ARHGAP35: variants seen among roughly 807,000 people sequenced by gnomAD.
ARHGAP35 encodes the protein Rho GTPase activating protein 35.
In ARHGAP35, 15 loss-of-function variants were observed where a neutral mutation model predicts 111.1. That is an observed-to-expected ratio of 0.13 (90% CI 0.09 to 0.21). The LOEUF (loss-of-function observed/expected upper bound fraction) is 0.21, where lower values mean the gene tolerates loss of function less well. Among genes scored for constraint, ARHGAP35 ranks in the 10% least tolerant of loss-of-function variants. ARHGAP35 has a pLI of 1.00. For synonymous variants in ARHGAP35, 643 were observed against 710.3 expected (o/e 0.91, Z 1.51); for missense variants, 1,262 against 1,873.0 (o/e 0.67, Z 6.02).
chr19:46,904,524 G>C (rs2056096127), intron 1 of ARHGAP35, among the ~76,000 whole-genome samples: 1 of 152,180 alleles, frequency 6.6e-6, no homozygotes, highest in Admixed American at 6.5e-5. Context: ...GCTCCCAGGC[G>C]CTTCCTGTGA....
intron 3 of ARHGAP35, among the ~76,000 whole-genome samples, chr19:46,952,108 G>A (rs1295025807): frequency 6.6e-6 from 1 of 152,172 alleles, no homozygotes; most frequent in Non-Finnish European, 1.5e-5. Flanking sequence ...TATATTTGAG[G>A]TGATGGATAT....
chr19:46,884,232 G>T (rs193252168), intron 1 of ARHGAP35, among the ~76,000 whole-genome samples: 165 of 152,138 alleles, frequency 1.1e-3, no homozygotes, highest in Admixed American at 7.4e-3. Flanking sequence ...GATTACTTGA[G>T]CCCAGGAGTT....
chr19:46,903,247 A>G (rs1460767974), intron 1 of ARHGAP35, among the ~76,000 whole-genome samples: 2 of 152,228 alleles, frequency 1.3e-5, no homozygotes, highest in Non-Finnish European at 2.9e-5. Flanking sequence ...CAGTAATCAT[A>G]TTAGCTATGG....
chr19:46,970,909 A>G (rs915352319), intron 3 of ARHGAP35, among the ~76,000 whole-genome samples: 1 of 152,122 alleles, frequency 6.6e-6, no homozygotes. Flanking sequence ...CTGTGAGTCC[A>G]TGGGCCCCAA....
At chr19:46,968,171 G>T (rs745567675) in intron 3 of ARHGAP35, among the ~76,000 whole-genome samples, 5 of 152,160 alleles carry the variant, frequency 3.3e-5, no homozygotes, top group Non-Finnish European at 5.9e-5. Flanking sequence ...GTGGAAACGT[G>T]GAATTGTATA....
intron 2 of ARHGAP35, among the ~76,000 whole-genome samples, chr19:46,928,649 G>C (rs2122212059): frequency 6.6e-6 from 1 of 152,196 alleles, no homozygotes; most frequent in East Asian, 1.9e-4. Context: ...GCTATGGTCT[G>C]CGCTGGGCGC....
chr19:46,967,172 A>G (rs913197066), intron 3 of ARHGAP35, among the ~76,000 whole-genome samples: 1 of 151,022 alleles, frequency 6.6e-6, no homozygotes, highest in Admixed American at 6.6e-5. Flanking sequence ...TGGGGACGGG[A>G]AAGGTCAGGC....
At chr19:46,880,557 A>G (rs1271155300) in intron 1 of ARHGAP35, among the ~76,000 whole-genome samples, 14 of 152,222 alleles carry the variant, frequency 9.2e-5, no homozygotes, top group Non-Finnish European at 4.4e-5. Context: ...ACTTTATTCA[A>G]TGAAGTCTTG....
chr19:46,890,221 A>G (rs1395845822), intron 1 of ARHGAP35, among the ~76,000 whole-genome samples: 1 of 152,158 alleles, frequency 6.6e-6, no homozygotes, highest in East Asian at 1.9e-4. Context: ...CCTTGATGCA[A>G]AGAACTCTAT....
chr19:46,943,971 C>A (rs2056364072), intron 3 of ARHGAP35, among the ~76,000 whole-genome samples: 1 of 152,076 alleles, frequency 6.6e-6, no homozygotes, highest in Non-Finnish European at 1.5e-5. Flanking sequence ...CTTGAACTAT[C>A]CCATCACTCT....
At chr19:46,871,146 C>A (rs1414633684) in intron 1 of ARHGAP35, among the ~76,000 whole-genome samples, 1 of 152,142 alleles carries the variant, frequency 6.6e-6, no homozygotes, top group Non-Finnish European at 1.5e-5. Context: ...TAAACTGTCA[C>A]AAGTGTGAAA....
rs2056194544 is a variant in ARHGAP35 at position 46,920,787 on chromosome 19, CAA to C, written c.2113_2114del (p.Lys705GlufsTer11). The C allele has an allele frequency of 6.2e-7, 1 of 1,609,112 alleles. No homozygotes were observed. Among genetic ancestry groups the C allele is most frequent in the Non-Finnish European group, 8.5e-7 (1 of 1,177,452 alleles). ...TCCCCCTTACATTAATTTTGGTTAA[CAA>C]GAGAGGAGACACCAGTGGAGAGACT... Reference protein sequence around the residue: ...HLPLTLILVNKRGDTSGETLH... With the variant: ...HLPLTLILVNXRGDTSGETLH... On this transcript the variant is annotated frameshift_variant, in exon 2 of 7. Coordinates refer to ENST00000672722, the MANE Select transcript of ARHGAP35 (RefSeq NM_004491.5). LOFTEE classifies it high-confidence loss of function. The surrounding 1 kb of genome is among the most constrained non-coding windows in gnomAD (Gnocchi z 7.0).
At chr19:46,882,031 G>A (rs1016433345) in intron 1 of ARHGAP35, among the ~76,000 whole-genome samples, 5 of 152,192 alleles carry the variant, frequency 3.3e-5, no homozygotes, top group African/African-American at 1.2e-4. Context: ...TCTCAGCCCT[G>A]TTGAATTGAA....
chr19:46,922,063 A>G lies in ARHGAP35; in HGVS notation c.3388A>G (p.Ser1130Gly). Reference sequence around the variant, plus strand: ...TATCAACAAAGCCCAGTCCAACGGCAGCGGGAATGGTTCTGACAGTGAAAT... The same window carrying G: ...TATCAACAAAGCCCAGTCCAACGGCGGCGGGAATGGTTCTGACAGTGAAAT... ...RNINKAQSNG[S>G]GNGSDSEMDT... The change falls in exon 2 of 7, where the codon AGC (serine) becomes GGC (glycine). Residue 1130 changes from serine to glycine, a missense_variant. Physicochemically the swap from Ser to Gly is moderately conservative, Grantham distance 56. Transcript: ENST00000672722. This position sits in a 1 kb window ranked among gnomAD's most constrained non-coding sequence, Gnocchi z 4.0. The G allele has an allele frequency of 6.2e-7, 1 of 1,614,070 alleles. No homozygotes were observed. Among genetic ancestry groups the G allele is most frequent in the South Asian group, 1.1e-5 (1 of 91,082 alleles).
intron 2 of ARHGAP35, among the ~76,000 whole-genome samples, chr19:46,925,263 C>A (rs2056231437): frequency 6.6e-6 from 1 of 152,136 alleles, no homozygotes. Context: ...CTTTGTCATC[C>A]CAGTGCAGAG....
At chr19:46,964,380 G>A (rs578106190) in intron 3 of ARHGAP35, among the ~76,000 whole-genome samples, 229 of 151,618 alleles carry the variant, frequency 1.5e-3, no homozygotes, top group African/African-American at 5.1e-3. Context: ...TGATCCTCCC[G>A]AGTAGCTGGG....
rs1047753762 is a variant in ARHGAP35, at chr19:46,994,661, C to T, written c.4037-4643C>T. On this transcript the variant is annotated intron_variant, in intron 5 of 6. Transcript: ENST00000672722. The surrounding 1 kb of genome is among the most constrained non-coding windows in gnomAD (Gnocchi z 5.4). ...GGCCTCGAGGAGCCGGCCCAGAGCT[C>T]CTAGACTAGAGAGGCACCCACTGGG... 2.0e-5 allele frequency among the ~76,000 whole-genome samples: 3 copies of T among 152,146 alleles called. No individual in the cohort carries two copies. Among genetic ancestry groups the T allele is most frequent in the African/African-American group, 7.2e-5 (3 of 41,424 alleles).
intron 1 of ARHGAP35, among the ~76,000 whole-genome samples, chr19:46,912,983 C>T (rs574683997): frequency 6.6e-6 from 1 of 151,860 alleles, no homozygotes; most frequent in Admixed American, 6.6e-5. Context: ...TTTATTTCCC[C>T]TATTGAGATT....
chr19:46,878,401 A>G (rs1428596617), intron 1 of ARHGAP35, among the ~76,000 whole-genome samples: 3 of 152,020 alleles, frequency 2.0e-5, no homozygotes, highest in African/African-American at 4.8e-5. Context: ...GCTCACTGCA[A>G]CGTCTCTCGG....
Sources: allele counts gnomAD v4.1 joint callset (sites outside exome capture counted in the v4.1 genomes callset), GRCh38; gene constraint gnomAD v4.1.1; non-coding constraint Gnocchi (gnomAD v3.1); transcripts MANE v1.5; gene names NCBI Gene and HGNC (gene_info 2026-07-23, HGNC 2026-07-21).